Variants in GPHN observed in about 807,000 individuals in gnomAD.
GPHN encodes gephyrin.
A neutral mutation model predicts 95.5 loss-of-function variants in GPHN; 17 were observed. The observed-to-expected ratio is 0.18, with a 90% CI of 0.12 to 0.27. The LOEUF (loss-of-function observed/expected upper bound fraction) is 0.27. GPHN is among the 10% of genes least tolerant of loss of function. The pLI is 1.00. For synonymous variants in GPHN, 320 were observed against 322.5 expected (o/e 0.99, Z 0.08); for missense variants, 660 against 978.1 (o/e 0.67, Z 4.34).
chr14:66,821,875 C>A (rs1192643452), intron 3 of GPHN, among the ~76,000 whole-genome samples: 4 of 152,120 alleles, frequency 2.6e-5, no homozygotes, highest in Non-Finnish European at 2.9e-5. Flanking sequence ...TGAAAGAAAT[C>A]TATATATTAA....
At chr14:67,488,661 A>C in the GPHN span, 3 of 152,338 alleles carry the variant, frequency 2.0e-5, no homozygotes, top group Admixed American at 6.5e-5. Context: ...GTTCAATCCC[A>C]CCTGTGGAGA....
chr14:66,947,697 C>T (rs2067847360), intron 8 of GPHN, among the ~76,000 whole-genome samples: 2 of 152,162 alleles, frequency 1.3e-5, no homozygotes, highest in South Asian at 4.1e-4. Flanking sequence ...GTGGCTTACA[C>T]CTGTAATCTC....
At chr14:67,108,618 G>T (rs565253797) in intron 13 of GPHN, among the ~76,000 whole-genome samples, 1 of 152,128 alleles carries the variant, frequency 6.6e-6, no homozygotes, top group Admixed American at 6.5e-5. Context: ...ATTATGGAGA[G>T]AAGATTTTTA....
the GPHN span, among the ~76,000 whole-genome samples, chr14:67,526,056 G>C: frequency 6.6e-6 from 1 of 152,212 alleles, no homozygotes; most frequent in African/African-American, 2.4e-5. Context: ...AGACCTGTCT[G>C]TCAGCTCTAC....
intron 1 of GPHN, among the ~76,000 whole-genome samples, chr14:66,629,880 T>C (rs1238663956): frequency 6.6e-6 from 1 of 152,192 alleles, no homozygotes; most frequent in East Asian, 1.9e-4. Context: ...AGGTCCTGAT[T>C]TTTAAGGTAA....
At chr14:67,052,604 A>G (rs572316840) in intron 10 of GPHN, among the ~76,000 whole-genome samples, 298 of 152,322 alleles carry the variant, frequency 2.0e-3, no homozygotes, top group African/African-American at 6.7e-3. Flanking sequence ...GACCTGACAG[A>G]TATCTACAGA....
chr14:67,344,471 CCTAGATATATA>C, the GPHN span, among the ~76,000 whole-genome samples: 1 of 152,088 alleles, frequency 6.6e-6, no homozygotes, highest in Non-Finnish European at 1.5e-5. Context: ...GCATTAATAA[CCTAGATATATA>C]CTAACTGGCC....
rs1011548770 is a variant in GPHN, at chr14:66,641,601, T to A, written c.65-39506T>A. Reference sequence around the variant, plus strand: ...AATCCCCAAATATACTGGGAGAATTTATGATGCTGTCAGTAGTACCAACCA... The same window carrying A: ...AATCCCCAAATATACTGGGAGAATTAATGATGCTGTCAGTAGTACCAACCA... On this transcript the variant is annotated intron_variant, in intron 1 of 22. Transcript: ENST00000478722. 8.6e-5 allele frequency among the ~76,000 whole-genome samples: 13 copies of A among 151,650 alleles called. No individual in the cohort carries two copies. The East Asian group carries it at 2.5e-3, about 29-fold the overall frequency.
intron 3 of GPHN, among the ~76,000 whole-genome samples, chr14:66,803,239 G>T (rs2153478076): frequency 6.6e-6 from 1 of 152,256 alleles, no homozygotes; most frequent in South Asian, 2.1e-4. Flanking sequence ...AAAATTGCCT[G>T]CTGTCCTTCT....
At chr14:66,633,658 A>G (rs1456489206) in intron 1 of GPHN, among the ~76,000 whole-genome samples, 3 of 152,142 alleles carry the variant, frequency 2.0e-5, no homozygotes, top group South Asian at 2.1e-4. Flanking sequence ...ATATGCCTGT[A>G]CATATATTTT....
intron 2 of GPHN, among the ~76,000 whole-genome samples, chr14:66,696,766 G>T (rs1040853437): frequency 1.3e-5 from 2 of 152,162 alleles, no homozygotes; most frequent in Non-Finnish European, 2.9e-5. Context: ...TGGTATTCAA[G>T]ATCACAGCTT....
chr14:66,720,117 A>C (rs992087331), intron 2 of GPHN, among the ~76,000 whole-genome samples: 3 of 152,364 alleles, frequency 2.0e-5, no homozygotes, highest in African/African-American at 7.2e-5. Flanking sequence ...TATAACCATT[A>C]AATTTTATAA....
chr14:67,165,348 A>G, intron 20 of GPHN, 122 bp downstream of exon 20: 1 of 703,558 alleles, frequency 1.4e-6, no homozygotes, highest in Non-Finnish European at 2.6e-6. Flanking sequence ...AGCTTTTCTA[A>G]ACGACCAATC....
chr14:67,195,459 A>G, the GPHN span, among the ~76,000 whole-genome samples: 1 of 152,174 alleles, frequency 6.6e-6, no homozygotes, highest in Non-Finnish European at 1.5e-5. Context: ...TCGCTATCCC[A>G]GCAGCCATGT....
At chr14:67,108,872 A>C (rs2078201851) in intron 13 of GPHN, among the ~76,000 whole-genome samples, 1 of 152,166 alleles carries the variant, frequency 6.6e-6, no homozygotes, top group African/African-American at 2.4e-5. Flanking sequence ...AGTAGTGGTA[A>C]ATATATTCAC....
rs201558154 is a variant in GPHN at position 66,767,621 on chromosome 14, G to T, written c.144-8843G>T. Among the ~76,000 whole-genome samples the T allele has an allele frequency of 7.2e-5, 11 of 151,860 alleles. No homozygotes were observed. In the East Asian group the frequency reaches 2.1e-3, roughly 29 times the overall value. On this transcript the variant is annotated intron_variant, in intron 2 of 22. Transcript: ENST00000478722. ...AAGCTTAGGGGGAAAATGGAAATTTGGAATTGCTATCAGAATACATAGAGT... is the reference window on the plus strand; with the variant it reads ...AAGCTTAGGGGGAAAATGGAAATTTTGAATTGCTATCAGAATACATAGAGT...
chr14:66,602,222 A>G (rs1057427469), intron 1 of GPHN, among the ~76,000 whole-genome samples: 8 of 151,914 alleles, frequency 5.3e-5, no homozygotes, highest in Admixed American at 2.6e-4. Context: ...CTTCCATTCT[A>G]TGTATTAATG....
chr14:66,860,605 T>C (rs1446122194), intron 4 of GPHN, among the ~76,000 whole-genome samples: 1 of 151,968 alleles, frequency 6.6e-6, no homozygotes, highest in Non-Finnish European at 1.5e-5. Flanking sequence ...TTTAAGACTG[T>C]GATTGTGGTG....
intron 2 of GPHN, among the ~76,000 whole-genome samples, chr14:66,734,059 T>C (rs2072037856): frequency 6.6e-6 from 1 of 152,208 alleles, no homozygotes; most frequent in Admixed American, 6.5e-5. Flanking sequence ...GCCAACATCA[T>C]CTCTAACTTG....
Sources: allele counts gnomAD v4.1 joint callset (sites outside exome capture counted in the v4.1 genomes callset), GRCh38; gene constraint gnomAD v4.1.1; transcripts MANE v1.5; gene names NCBI Gene and HGNC (gene_info 2026-07-23, HGNC 2026-07-21).